ARL15: variants seen among roughly 807,000 people sequenced by gnomAD.
The protein encoded by ARL15 is ADP-ribosylation factor-like protein 15.
ARL15 carries 19 observed loss-of-function variants against 25.2 expected under a neutral mutation model. That is an observed-to-expected ratio of 0.75 (90% CI 0.53 to 1.10). The LOEUF (loss-of-function observed/expected upper bound fraction) is 1.10, where lower values mean the gene tolerates loss of function less well. Ranked by LOEUF, ARL15 falls within the 50% of genes least tolerant of loss-of-function variation. The pLI is 0.00. For synonymous variants in ARL15, 94 were observed against 86.8 expected (o/e 1.08, Z -0.46); for missense variants, 220 against 246.0 (o/e 0.89, Z 0.71).
chr5:54,242,349 T>C (rs759000947), intron 1 of ARL15, among the ~76,000 whole-genome samples: 2 of 152,150 alleles, frequency 1.3e-5, no homozygotes, highest in African/African-American at 2.4e-5. Context: ...TCTTCAACAG[T>C]GCCTTGATTG....
rs1001376473 is a variant in ARL15 at position 53,939,278 on chromosome 5, T to A, written c.463-52565A>T. 2.6e-5 allele frequency among the ~76,000 whole-genome samples: 4 copies of A among 152,232 alleles called. No individual in the cohort carries two copies. The South Asian group carries it at 8.3e-4, about 31-fold the overall frequency. Reference sequence around the variant, plus strand: ...ATTTTTCTTATGAAAGTGTTACCTATCTTCTGTCTCTTCCCCTAGTCTTAT... The same window carrying A: ...ATTTTTCTTATGAAAGTGTTACCTAACTTCTGTCTCTTCCCCTAGTCTTAT... On this transcript the variant is annotated intron_variant, in intron 4 of 4. Transcript: ENST00000504924.
At chr5:54,042,370 T>A (rs983528417) in intron 4 of ARL15, among the ~76,000 whole-genome samples, 1 of 152,250 alleles carries the variant, frequency 6.6e-6, no homozygotes, top group Admixed American at 6.5e-5. Context: ...TTCTAGGTAA[T>A]GTGACAGCCT....
At chr5:53,886,877 A>G (rs1255611044) in intron 4 of ARL15, among the ~76,000 whole-genome samples, 164 bp from the exon 5 acceptor site, 1 of 152,144 alleles carries the variant, frequency 6.6e-6, no homozygotes, top group Non-Finnish European at 1.5e-5. Flanking sequence ...TGTTGTTATA[A>G]TGTGGGTTAT....
intron 4 of ARL15, chr5:54,048,340 C>T (rs1750591356): frequency 6.7e-6 from 1 of 150,030 alleles, no homozygotes; most frequent in South Asian, 2.1e-4. Flanking sequence ...TACTTTCATA[C>T]TCAATTACCT....
At chr5:53,951,051 A>C (rs536633705) in intron 4 of ARL15, among the ~76,000 whole-genome samples, 1 of 152,210 alleles carries the variant, frequency 6.6e-6, no homozygotes, top group East Asian at 1.9e-4. Flanking sequence ...TGGTTGGGGG[A>C]AAAAAATCAA....
chr5:54,259,645 T>A (rs1231295396), intron 1 of ARL15, among the ~76,000 whole-genome samples: 1 of 152,156 alleles, frequency 6.6e-6, no homozygotes, highest in Non-Finnish European at 1.5e-5. Flanking sequence ...TATAGACCCC[T>A]ACACTGCAGG....
intron 4 of ARL15, among the ~76,000 whole-genome samples, chr5:53,900,230 T>C (rs953407762): frequency 6.6e-6 from 1 of 152,192 alleles, no homozygotes; most frequent in Non-Finnish European, 1.5e-5. Flanking sequence ...ATACAAATGC[T>C]GAAAGATAGC....
chr5:54,254,762 A>T (rs1285427461), intron 1 of ARL15, among the ~76,000 whole-genome samples: 1 of 152,152 alleles, frequency 6.6e-6, no homozygotes, highest in Non-Finnish European at 1.5e-5. Context: ...ATCCAGAAAA[A>T]ATCAACAGGG....
At chr5:54,058,008 A>AT (rs1343404127) in intron 4 of ARL15, among the ~76,000 whole-genome samples, 62 of 73,126 alleles carry the variant, frequency 8.5e-4, no homozygotes, top group South Asian at 2.5e-3. Context: ...TTATTTATTT[A>AT]TTTATTTATT....
intron 1 of ARL15, among the ~76,000 whole-genome samples, chr5:54,189,981 G>T (rs1331046877): frequency 6.6e-6 from 1 of 152,106 alleles, no homozygotes; most frequent in Non-Finnish European, 1.5e-5. Flanking sequence ...TAAAAAAACT[G>T]TTCAAAAATG....
intron 1 of ARL15, among the ~76,000 whole-genome samples, chr5:54,195,152 A>G (rs1755515776): frequency 6.6e-6 from 1 of 152,138 alleles, no homozygotes; most frequent in African/African-American, 2.4e-5. Flanking sequence ...TGTACTCTCA[A>G]AATACTTAGT....
intron 4 of ARL15, among the ~76,000 whole-genome samples, chr5:53,976,835 C>G (rs1045003587): frequency 6.6e-6 from 1 of 152,086 alleles, no homozygotes; most frequent in Admixed American, 6.5e-5. Flanking sequence ...AGAAGACGGG[C>G]AGCCCCTTCA....
intron 4 of ARL15, among the ~76,000 whole-genome samples, chr5:53,893,431 C>A (rs1744781654): frequency 6.6e-6 from 1 of 152,044 alleles, no homozygotes; most frequent in Admixed American, 6.5e-5. Context: ...ACGGTGAAAC[C>A]CCGTCTCTAC....
chr5:54,094,816 A>G (rs937611938), intron 4 of ARL15, among the ~76,000 whole-genome samples: 1 of 152,192 alleles, frequency 6.6e-6, no homozygotes, highest in South Asian at 2.1e-4. Flanking sequence ...ACAAGTATTT[A>G]TGAGCATCTA....
chr5:54,023,372 A>G (rs1199590527), intron 4 of ARL15, among the ~76,000 whole-genome samples: 1 of 152,150 alleles, frequency 6.6e-6, no homozygotes, highest in African/African-American at 2.4e-5. Flanking sequence ...AGGCAGGAAA[A>G]ACAAAACAGT....
intron 4 of ARL15, among the ~76,000 whole-genome samples, chr5:54,057,220 T>C (rs1481659335): frequency 6.6e-6 from 1 of 152,314 alleles, no homozygotes; most frequent in South Asian, 2.1e-4. Flanking sequence ...AATTAATCAT[T>C]GTTCATCTTG....
intron 1 of ARL15, among the ~76,000 whole-genome samples, chr5:54,240,827 G>C (rs574366591): frequency 6.6e-6 from 1 of 152,160 alleles, no homozygotes; most frequent in African/African-American, 2.4e-5. Context: ...GCGTCAACAT[G>C]ACACTCAAAG....
At chr5:54,034,630 A>C (rs1166356691) in intron 4 of ARL15, among the ~76,000 whole-genome samples, 1 of 152,166 alleles carries the variant, frequency 6.6e-6, no homozygotes, top group Non-Finnish European at 1.5e-5. Flanking sequence ...TACTTTGTAA[A>C]CATCAACTAA....
chr5:54,284,044 T>C (rs898733036), intron 1 of ARL15, among the ~76,000 whole-genome samples: 1 of 152,108 alleles, frequency 6.6e-6, no homozygotes, highest in African/African-American at 2.4e-5. Flanking sequence ...AAGATGCAAA[T>C]GACAGCAGAG....
Sources: allele counts gnomAD v4.1 joint callset (sites outside exome capture counted in the v4.1 genomes callset), GRCh38; gene constraint gnomAD v4.1.1; transcripts MANE v1.5; gene names NCBI Gene and HGNC (gene_info 2026-07-23, HGNC 2026-07-21).